The following CYP2R1 variants were observed in gnomAD, a reference collection of about 807,000 sequenced individuals.
CYP2R1 encodes the protein cytochrome P450 family 2 subfamily R member 1.
Under a neutral mutation model 45.7 loss-of-function variants are expected in CYP2R1, and 40 were observed. The observed-to-expected ratio is 0.87, with a 90% CI of 0.68 to 1.14. The LOEUF (loss-of-function observed/expected upper bound fraction) is 1.14, where lower values mean the gene tolerates loss of function less well. CYP2R1 is among the 50% of genes most tolerant of loss of function. The pLI, the probability that CYP2R1 is intolerant of heterozygous loss-of-function variation, is 0.00. For missense variants in CYP2R1, 605 were observed against 602.6 expected, an observed-to-expected ratio of 1.00 and a Z score of -0.04; for synonymous variants, 234 against 219.3, an observed-to-expected ratio of 1.07 and a Z score of -0.59.
At chr11:14,881,028 T>C (rs1848363530) in intron 2 of CYP2R1, among the ~76,000 whole-genome samples, 1 of 152,090 alleles carries the variant, frequency 6.6e-6, no homozygotes, top group Non-Finnish European at 1.5e-5. Flanking sequence ...CCTGTGTAAT[T>C]TAACCTGGTG....
chr11:14,890,788 T>G (rs1590235189), intron 1 of CYP2R1: 1 of 814,724 alleles, frequency 1.2e-6, no homozygotes, highest in African/African-American at 1.9e-5. Context: ...GATTTCGTGA[T>G]CCGCCCGCCT....
intron 2 of CYP2R1, among the ~76,000 whole-genome samples, chr11:14,883,148 ACC>A (rs1555012980): frequency 5.3e-5 from 8 of 152,178 alleles, no homozygotes; most frequent in Admixed American, 5.2e-4. Flanking sequence ...CCATCAAGCT[ACC>A]AATGACTTTC....
chr11:14,878,927 C>A (rs1848261123), intron 4 of CYP2R1, among the ~76,000 whole-genome samples, 187 bp downstream of exon 4: 2 of 152,046 alleles, frequency 1.3e-5, no homozygotes, highest in South Asian at 4.1e-4. Context: ...TAAATTAAGG[C>A]TTATATTAAG....
intron 1 of CYP2R1, among the ~76,000 whole-genome samples, chr11:14,888,837 G>C (rs1262701843): frequency 1.3e-5 from 2 of 152,052 alleles, no homozygotes; most frequent in Non-Finnish European, 2.9e-5. Flanking sequence ...TGCTTTAATG[G>C]AATTATTTTA....
intron 4 of CYP2R1, among the ~76,000 whole-genome samples, chr11:14,878,891 G>A (rs1848259308): frequency 6.6e-6 from 1 of 151,998 alleles, no homozygotes; most frequent in Non-Finnish European, 1.5e-5. Flanking sequence ...GAAGCCAGGG[G>A]TTCTCAAAAG....
Position 14,885,814 on chromosome 11 carries a change from G to C in CYP2R1, c.329C>G (p.Pro110Arg). 1 of 1,613,228 alleles carries C rather than the reference G, an allele frequency of 6.2e-7. No individual in the cohort carries two copies. Among genetic ancestry groups the C allele is most frequent in the Non-Finnish European group, 8.5e-7 (1 of 1,179,748 alleles). Residue 110 changes from proline to arginine, a missense_variant, in exon 2 of 5, where the codon CCA becomes CGA. By Grantham distance (103) the Pro-to-Arg change is moderately radical (BLOSUM62 -2). Coordinates refer to ENST00000334636, the MANE Select transcript of CYP2R1 (RefSeq NM_024514.5). ...CATCTTCATGAATAAAGGAAGGCAT[G>C]GTCTGTCTGCAAAAATTTCGCTTTG... ...VHQSEIFADR[P>R]CLPLFMKMTK... is the part of the protein sequence containing the mutation.
chr11:14,891,670 C>T, intron 1 of CYP2R1: 2 of 1,174,420 alleles, frequency 1.7e-6, no homozygotes, highest in South Asian at 2.2e-5. Flanking sequence ...GGCGGCGCGG[C>T]TGGCGAGCCA....
intron 2 of CYP2R1, among the ~76,000 whole-genome samples, chr11:14,883,088 C>T (rs1246781762): frequency 6.6e-6 from 1 of 152,118 alleles, no homozygotes; most frequent in Non-Finnish European, 1.5e-5. Flanking sequence ...GAATCAATAT[C>T]ATGAAAATGG....
At chr11:14,886,162 G>A in intron 1 of CYP2R1, 1 of 504,850 alleles carries the variant, frequency 2.0e-6, no homozygotes, top group Non-Finnish European at 3.6e-6. Context: ...AATGAAAAGG[G>A]TACTGGACTC....
chr11:14,877,827 T>TA lies in CYP2R1; in HGVS notation c.*294dup. ...AAGAAGGGATGAAAGTACCTGGTAC[T>TA]AAACAAGATGCTCAGCTTAGGGCGT... On this transcript the variant is annotated 3_prime_UTR_variant, in exon 5 of 5. Coordinates refer to ENST00000334636, the MANE Select transcript of CYP2R1 (RefSeq NM_024514.5). The TA allele has an allele frequency of 3.1e-6, 1 of 324,286 alleles. No homozygotes were observed. The highest frequency in any genetic ancestry group is 5.4e-5 in the South Asian group (1 of 18,444). 20.1% of individuals were successfully genotyped at this position (324,286 alleles called of 1,614,324 possible).
At chr11:14,889,078 ATC>A (rs1255299125) in intron 1 of CYP2R1, among the ~76,000 whole-genome samples, 1 of 152,186 alleles carries the variant, frequency 6.6e-6, no homozygotes, top group Non-Finnish European at 1.5e-5. Flanking sequence ...ACTTTCAAGA[ATC>A]ACAAAGCAGA....
chr11:14,883,738 T>A lies in CYP2R1; in HGVS notation c.367+2038A>T, dbSNP rs1411454581. Among the ~76,000 whole-genome samples the A allele has an allele frequency of 1.5e-4, 23 of 151,746 alleles. 1 individual carries two copies. The East Asian group carries it at 4.3e-3, about 28-fold the overall frequency. On this transcript the variant is annotated intron_variant, in intron 2 of 4. Coordinates refer to ENST00000334636, the MANE Select transcript of CYP2R1 (RefSeq NM_024514.5). ...ACAGCAAAAGAAACTACCATCAGAG[T>A]GAACAGGCAACCTACAAAATGGGAG...
intron 4 of CYP2R1, 36 bp from the exon 5 acceptor site, chr11:14,878,333 C>T (rs1342952129): frequency 1.3e-6 from 2 of 1,598,034 alleles, no homozygotes; most frequent in Non-Finnish European, 1.7e-6. Flanking sequence ...ATTTTTTAAA[C>T]CCACAATCTT....
At chr11:14,883,660 C>T (rs1431515672) in intron 2 of CYP2R1, among the ~76,000 whole-genome samples, 2 of 152,066 alleles carry the variant, frequency 1.3e-5, no homozygotes, top group Non-Finnish European at 2.9e-5. Flanking sequence ...AAAGCAATGG[C>T]AACAAAAGAC....
At chr11:14,880,893 A>C in intron 2 of CYP2R1, 125 bp from the exon 3 acceptor site, 1 of 875,066 alleles carries the variant, frequency 1.1e-6, no homozygotes, top group Non-Finnish European at 1.7e-6. Context: ...ATATAACTAC[A>C]TGGTTGGGTC....
chr11:14,891,696 G>A (rs1336742363), intron 1 of CYP2R1: 5 of 1,214,566 alleles, frequency 4.1e-6, no homozygotes, highest in Admixed American at 4.3e-5. Context: ...CGCAGGCGCA[G>A]GAGCAAGAGC....
At chr11:14,882,999 G>T (rs1458985338) in intron 2 of CYP2R1, among the ~76,000 whole-genome samples, 1 of 152,084 alleles carries the variant, frequency 6.6e-6, no homozygotes, top group African/African-American at 2.4e-5. Context: ...CCTCTTCAAG[G>T]AGAACTACAA....
intron 1 of CYP2R1, among the ~76,000 whole-genome samples, chr11:14,889,960 C>G (rs896710913): frequency 2.0e-5 from 3 of 151,942 alleles, no homozygotes; most frequent in African/African-American, 4.8e-5. Flanking sequence ...ATGCCCATCT[C>G]TACTAAAAAT....
In CYP2R1 at chr11:14,892,215, C is replaced by T. The variant is rs375534603; in HGVS notation, c.-10G>A. The T allele has an allele frequency of 6.2e-7, 1 of 1,607,964 alleles. No individual in the cohort carries two copies. Among genetic ancestry groups the T allele is most frequent in the Admixed American group, 1.7e-5 (1 of 59,782 alleles). On this transcript the variant is annotated 5_prime_UTR_variant, in exon 1 of 5. Coordinates refer to ENST00000334636, the MANE Select transcript of CYP2R1 (RefSeq NM_024514.5). The stretch of plus-strand genomic sequence containing the variant: ...TCCAAAGCTTCCACATCGGCCCGAG[C>T]TGGAGGTGCGAACTCCACAGCAGCC...
Sources: gnomAD v4.1 joint callset for allele counts (sites outside exome capture counted in the v4.1 genomes callset) on GRCh38, gnomAD v4.1.1 for gene constraint, MANE v1.5 for transcripts, NCBI Gene and HGNC (gene_info 2026-07-23, HGNC 2026-07-21) for gene names.